The following NEBL variants were observed in gnomAD, a reference collection of about 807,000 sequenced individuals.
NEBL encodes nebulette.
NEBL carries 122 observed loss-of-function variants against 140.2 expected under a neutral mutation model. That is an observed-to-expected ratio of 0.87 (90% CI 0.75 to 1.01). NEBL has a LOEUF of 1.01. Ranked by LOEUF, NEBL falls within the 50% of genes least tolerant of loss-of-function variation. The pLI is 0.00. For synonymous variants in NEBL, 436 were observed against 398.9 expected (o/e 1.09, Z -1.11); for missense variants, 1,365 against 1,231.3 (o/e 1.11, Z -1.62).
At chr10:20,818,435 C>A (rs1838955656) in intron 20 of NEBL, among the ~76,000 whole-genome samples, 1 of 152,156 alleles carries the variant, frequency 6.6e-6, no homozygotes, top group Non-Finnish European at 1.5e-5. Flanking sequence ...GGGCCCAGCA[C>A]AGAGTAGCGC....
intron 3 of NEBL, among the ~76,000 whole-genome samples, chr10:21,206,319 C>T (rs1439247565): frequency 6.6e-6 from 1 of 152,198 alleles, no homozygotes; most frequent in Non-Finnish European, 1.5e-5. Flanking sequence ...TTTGTCCTGG[C>T]AACTCTAATG....
intron 2 of NEBL, among the ~76,000 whole-genome samples, chr10:20,893,550 C>T (rs1343760449): frequency 1.3e-5 from 2 of 152,156 alleles, no homozygotes; most frequent in Non-Finnish European, 2.9e-5. Context: ...TATACTGATG[C>T]CCAAAGTGAA....
chr10:21,056,015 A>T (rs949388873), intron 2 of NEBL, among the ~76,000 whole-genome samples: 1 of 152,210 alleles, frequency 6.6e-6, no homozygotes, highest in African/African-American at 2.4e-5. Flanking sequence ...AGACCAGTGA[A>T]CTATATTCAG....
chr10:21,167,994 G>T (rs558577952), intron 2 of NEBL, among the ~76,000 whole-genome samples: 1 of 152,096 alleles, frequency 6.6e-6, no homozygotes, highest in African/African-American at 2.4e-5. Flanking sequence ...GCACTGCTGC[G>T]TTAGGAGCAA....
chr10:20,983,998 G>A (rs1837154691), intron 3 of NEBL, among the ~76,000 whole-genome samples: 1 of 151,664 alleles, frequency 6.6e-6, no homozygotes, highest in Non-Finnish European at 1.5e-5. Flanking sequence ...TTTTTCAAAA[G>A]GTAAAAACAT....
intron 26 of NEBL, among the ~76,000 whole-genome samples, chr10:20,792,072 G>C (rs12356595): frequency 1.3e-5 from 2 of 148,202 alleles, no homozygotes; most frequent in Non-Finnish European, 3.0e-5. Flanking sequence ...TGAAGGTTTT[G>C]AAGGCCCCTC....
At chr10:21,076,349 G>A (rs145916622) in intron 2 of NEBL, among the ~76,000 whole-genome samples, 1 of 149,518 alleles carries the variant, frequency 6.7e-6, no homozygotes, top group Non-Finnish European at 1.5e-5. Context: ...GAAGGCTGAG[G>A]CAGGAGAATC....
intron 3 of NEBL, among the ~76,000 whole-genome samples, chr10:21,200,183 C>T (rs11012578): frequency 2.2e-3 from 328 of 152,216 alleles, no homozygotes; most frequent in Non-Finnish European, 3.7e-3. Context: ...GCGGCCCCCA[C>T]TCGCTACTCA....
intron 4 of NEBL, among the ~76,000 whole-genome samples, chr10:20,924,420 A>T (rs1460863381): frequency 5.4e-4 from 80 of 148,748 alleles, no homozygotes; most frequent in African/African-American, 1.9e-3. Context: ...AAGTAAAAAA[A>T]AAAAAAAAAA....
intron 1 of NEBL, among the ~76,000 whole-genome samples, chr10:21,281,339 T>G (rs574308258): frequency 6.6e-6 from 1 of 152,156 alleles, no homozygotes; most frequent in South Asian, 2.1e-4. Context: ...GTGTGTGTGT[T>G]TTTAGAGAGA....
At chr10:21,288,818 GTGTA>G (rs1554836847) in intron 1 of NEBL, among the ~76,000 whole-genome samples, 1,609 of 32,650 alleles carry the variant, frequency 0.049, 98 homozygotes, top group Middle Eastern at 0.12. Flanking sequence ...ACGTGTGTGT[GTGTA>G]TATATATATA....
chr10:21,107,609 G>A (rs1837782316), intron 2 of NEBL, among the ~76,000 whole-genome samples: 2 of 152,170 alleles, frequency 1.3e-5, no homozygotes, highest in Non-Finnish European at 2.9e-5. Context: ...TGTTCATCAA[G>A]GATATTGGCC....
At chr10:21,186,005 T>C (rs139919900) in intron 3 of NEBL, among the ~76,000 whole-genome samples, 18 of 152,304 alleles carry the variant, frequency 1.2e-4, no homozygotes, top group African/African-American at 3.8e-4. Flanking sequence ...ATGTGTGCTA[T>C]TGGGGCTTCC....
chr10:20,816,949 G>T (rs891333065), intron 21 of NEBL, among the ~76,000 whole-genome samples: 1 of 152,134 alleles, frequency 6.6e-6, no homozygotes, highest in East Asian at 1.9e-4. Context: ...GCAAGAACAG[G>T]AACACATGCT....
chr10:21,089,502 G>A (rs538567605), intron 2 of NEBL, among the ~76,000 whole-genome samples: 7 of 152,242 alleles, frequency 4.6e-5, no homozygotes, highest in African/African-American at 1.7e-4. Flanking sequence ...GAGGTGGGGG[G>A]TGACACGGGT....
At chr10:21,275,096 G>T (rs1429221925) in intron 1 of NEBL, among the ~76,000 whole-genome samples, 1 of 152,072 alleles carries the variant, frequency 6.6e-6, no homozygotes, top group East Asian at 1.9e-4. Flanking sequence ...TTTAGAGGTG[G>T]ATTCTTCCCC....
intron 3 of NEBL, among the ~76,000 whole-genome samples, chr10:21,002,921 A>G (rs1028699180): frequency 6.6e-5 from 10 of 151,742 alleles, no homozygotes; most frequent in African/African-American, 2.4e-4. Flanking sequence ...CACTACCCAC[A>G]GTGTTCACTC....
intron 2 of NEBL, among the ~76,000 whole-genome samples, chr10:21,069,614 A>C (rs188603116): frequency 6.6e-6 from 1 of 152,330 alleles, no homozygotes; most frequent in East Asian, 1.9e-4. Context: ...AGCATTCTGC[A>C]CTTTGGAGCA....
chr10:21,285,640 T>G (rs2132301898), intron 1 of NEBL, among the ~76,000 whole-genome samples: 1 of 152,340 alleles, frequency 6.6e-6, no homozygotes, highest in Non-Finnish European at 1.5e-5. Context: ...AAATGAACTT[T>G]CTAAATTAAC....
Sources: allele counts gnomAD v4.1 joint callset (sites outside exome capture counted in the v4.1 genomes callset), GRCh38; gene constraint gnomAD v4.1.1; transcripts MANE v1.5; gene names NCBI Gene and HGNC (gene_info 2026-07-23, HGNC 2026-07-21).